THEMIS: variants seen among roughly 807,000 people sequenced by gnomAD.
The protein encoded by THEMIS is protein THEMIS.
THEMIS carries 37 observed loss-of-function variants against 52.6 expected under a neutral mutation model. The ratio of observed to expected loss-of-function variants is 0.70; its 90% CI spans 0.54 to 0.93. The LOEUF (loss-of-function observed/expected upper bound fraction) is 0.93, where lower values mean the gene tolerates loss of function less well. THEMIS is among the 40% of genes least tolerant of loss of function. The pLI is 0.00. For synonymous variants in THEMIS, 292 were observed against 272.7 expected (o/e 1.07, Z -0.70); for missense variants, 808 against 763.1 (o/e 1.06, Z -0.69).
chr6:127,772,635 A>T (rs140438243), intron 4 of THEMIS, among the ~76,000 whole-genome samples: 1 of 152,244 alleles, frequency 6.6e-6, no homozygotes, highest in Non-Finnish European at 1.5e-5. Flanking sequence ...AAGCACTCAC[A>T]TATCTTCTTG....
chr6:127,742,418 T>C (rs768029151), intron 4 of THEMIS, among the ~76,000 whole-genome samples: 2 of 151,586 alleles, frequency 1.3e-5, no homozygotes, highest in African/African-American at 2.4e-5. Flanking sequence ...TCTGCTTATG[T>C]ATATTTAAAA....
intron 4 of THEMIS, among the ~76,000 whole-genome samples, chr6:127,796,793 T>C (rs113974414): frequency 6.6e-5 from 10 of 152,316 alleles, no homozygotes; most frequent in African/African-American, 2.4e-4. Flanking sequence ...TATACATGCA[T>C]ACTCATCAGC....
chr6:127,847,142 T>C (rs894813452), intron 2 of THEMIS, among the ~76,000 whole-genome samples: 17 of 151,832 alleles, frequency 1.1e-4, no homozygotes, highest in African/African-American at 4.1e-4. Flanking sequence ...CTCAAAGTAA[T>C]AAAAGCCACA....
chr6:127,719,791 G>A lies in THEMIS; in HGVS notation c.1791C>T (p.His597=), dbSNP rs1477934387. Residue 597 remains histidine (H), a synonymous_variant, in exon 5 of 6, where the codon CAC becomes CAT. Transcript: ENST00000368248. The part of the protein sequence containing the change: ...RHHVDITKKL[H]PNQAGLDSKV... ...TTGAATCCAGGCCAGCTTGATTTGG[G>A]TGAAGTTTCTTGGTTATGTCTACGT... The A allele has an allele frequency of 2.5e-6, 4 of 1,612,240 alleles. No individual in the cohort carries two copies. The highest frequency in any genetic ancestry group is 2.2e-5 in the East Asian group (1 of 44,794).
At chr6:127,866,715 G>T (rs747593225) in intron 1 of THEMIS, among the ~76,000 whole-genome samples, 1 of 151,742 alleles carries the variant, frequency 6.6e-6, no homozygotes, top group Middle Eastern at 3.4e-3. Flanking sequence ...ATCATCTACT[G>T]AAGATCTAAT....
chr6:127,912,947 A>G (rs1781443840), intron 1 of THEMIS, among the ~76,000 whole-genome samples: 1 of 152,200 alleles, frequency 6.6e-6, no homozygotes. Flanking sequence ...TTCTACCATG[A>G]ATCTTCTCGT....
intron 2 of THEMIS, among the ~76,000 whole-genome samples, chr6:127,852,344 A>C (rs1002703635): frequency 6.6e-6 from 1 of 151,586 alleles, no homozygotes; most frequent in South Asian, 2.1e-4. Flanking sequence ...GAAAGAAGAT[A>C]CACAAAGAAA....
Position 127,813,126 on chromosome 6 carries a change from A to G in THEMIS, c.1515T>C (p.Pro505=), listed in dbSNP as rs192098026. The change falls in exon 4 of 6, where the codon CCT becomes CCC. Residue 505 remains proline (P), a synonymous_variant. Transcript: ENST00000368248. ...FANPTECWEI[P]VGRLNMTVQL... is the part of the protein sequence containing the mutation. ...GAACAGTCATATTCAAGCGGCCCAC[A>G]GGAATTTCCCAGCACTCCGTGGGGT... is the stretch of plus-strand genomic sequence containing the variant. The G allele has an allele frequency of 6.8e-6, 11 of 1,614,106 alleles. No individual in the cohort carries two copies. In the African/African-American group the frequency reaches 1.1e-4, roughly 16 times the overall value.
At chr6:127,781,179 G>A (rs377602525) in intron 4 of THEMIS, among the ~76,000 whole-genome samples, 6 of 151,276 alleles carry the variant, frequency 4.0e-5, no homozygotes, top group Non-Finnish European at 8.8e-5. Flanking sequence ...CTGCTTGATC[G>A]GTTTGGTTAT....
intron 4 of THEMIS, among the ~76,000 whole-genome samples, chr6:127,734,868 C>CAAAA (rs1197660495): frequency 5.5e-4 from 18 of 32,954 alleles, no homozygotes; most frequent in Non-Finnish European, 6.3e-4. Context: ...GGCTCTGTCT[C>CAAAA]AAAAAAAAAA....
chr6:127,764,282 C>T (rs894796284), intron 4 of THEMIS, among the ~76,000 whole-genome samples: 3 of 151,714 alleles, frequency 2.0e-5, no homozygotes, highest in African/African-American at 7.3e-5. Context: ...CAAAATTTAG[C>T]TTCTCTTTCT....
At chr6:127,864,318 T>C (rs776382673) in intron 1 of THEMIS, among the ~76,000 whole-genome samples, 34 of 152,058 alleles carry the variant, frequency 2.2e-4, no homozygotes, top group Non-Finnish European at 3.4e-4. Flanking sequence ...AAATCTACTC[T>C]TTGTGCCAGA....
chr6:127,888,691 C>A (rs985643048), intron 1 of THEMIS, among the ~76,000 whole-genome samples: 10 of 151,800 alleles, frequency 6.6e-5, no homozygotes, highest in African/African-American at 2.4e-4. Flanking sequence ...ATAATGCAAA[C>A]CAATTTTGTT....
At chr6:127,900,821 A>G (rs1446332958) in intron 1 of THEMIS, 21 bp downstream of exon 1, 1 of 1,597,938 alleles carries the variant, frequency 6.3e-7, no homozygotes, top group Non-Finnish European at 8.6e-7. Context: ...CTAGCCAGTA[A>G]AGGTATTGGA....
intron 2 of THEMIS, among the ~76,000 whole-genome samples, chr6:127,854,296 AT>A (rs1327327316): frequency 3.3e-5 from 5 of 151,826 alleles, no homozygotes; most frequent in Non-Finnish European, 4.4e-5. Flanking sequence ...TACCACATAA[AT>A]AGCATAGTGA....
chr6:127,775,759 T>C (rs997583011), intron 4 of THEMIS, among the ~76,000 whole-genome samples: 1 of 152,218 alleles, frequency 6.6e-6, no homozygotes, highest in Non-Finnish European at 1.5e-5. Flanking sequence ...CTGGCTTCTT[T>C]GGCTAAGCAT....
At chr6:127,753,721 T>C (rs1415793848) in intron 4 of THEMIS, among the ~76,000 whole-genome samples, 4 of 152,008 alleles carry the variant, frequency 2.6e-5, no homozygotes, top group Non-Finnish European at 5.9e-5. Context: ...TAGACTATAA[T>C]AGAATGTTGA....
rs551359682 is a variant in THEMIS at position 127,752,366 on chromosome 6, T to G, written c.1759-32543A>C. ...GGAAAGAGTAATGAAACGAAGAGTT[T>G]TTTTTTTTTTTGGAAAAATAAAATT... On this transcript the variant is annotated intron_variant, in intron 4 of 5. Transcript: ENST00000368248. Among the ~76,000 whole-genome samples, 4 of 149,908 alleles carry G rather than the reference T, an allele frequency of 2.7e-5. No homozygotes were observed. The South Asian group carries it at 6.3e-4, about 24-fold the overall frequency.
At chr6:127,805,044 A>G (rs1212667439) in intron 4 of THEMIS, among the ~76,000 whole-genome samples, 2 of 152,098 alleles carry the variant, frequency 1.3e-5, no homozygotes, top group African/African-American at 4.8e-5. Context: ...CATAAATAAC[A>G]GTGGATTTAT....
Sources: gnomAD v4.1 joint callset for allele counts (sites outside exome capture counted in the v4.1 genomes callset) on GRCh38, gnomAD v4.1.1 for gene constraint, MANE v1.5 for transcripts, NCBI Gene and HGNC (gene_info 2026-07-23, HGNC 2026-07-21) for gene names.